SESN1: variants seen among roughly 807,000 people sequenced by gnomAD.
SESN1 encodes the protein sestrin 1.
Under a neutral mutation model 59.3 loss-of-function variants are expected in SESN1, and 30 were observed. The ratio of observed to expected loss-of-function variants is 0.51; its 90% CI spans 0.38 to 0.69. SESN1 has a LOEUF of 0.69. Ranked by LOEUF, SESN1 falls within the 30% of genes least tolerant of loss-of-function variation. The pLI, the probability that SESN1 is intolerant of heterozygous loss-of-function variation, is 0.00. For missense variants in SESN1, 566 were observed against 673.0 expected, an observed-to-expected ratio of 0.84 and a Z score of 1.76; for synonymous variants, 197 against 219.9, an observed-to-expected ratio of 0.90 and a Z score of 0.92.
intron 9 of SESN1, among the ~76,000 whole-genome samples, 176 bp from the exon 10 acceptor site, chr6:108,987,806 CTTT>C (rs3029194): frequency 8.1e-5 from 11 of 135,550 alleles, no homozygotes; most frequent in African/African-American, 8.5e-5. Flanking sequence ...CAGCAGCTAT[CTTT>C]TTTTTTTTTT....
At chr6:109,003,168 C>CT (rs1378132700) in intron 1 of SESN1, among the ~76,000 whole-genome samples, 1 of 151,716 alleles carries the variant, frequency 6.6e-6, no homozygotes, top group East Asian at 1.9e-4. Flanking sequence ...TATATTTCAA[C>CT]TTTTTGTTGT....
At chr6:109,092,657 C>T (rs983338061) in intron 1 of SESN1, among the ~76,000 whole-genome samples, 6 of 152,184 alleles carry the variant, frequency 3.9e-5, no homozygotes, top group Non-Finnish European at 7.3e-5. Context: ...ATAATGATGA[C>T]CCCATTATGG....
chr6:109,000,760 TAA>T (rs1562455952), intron 3 of SESN1, 87 bp from the exon 4 acceptor site: 2 of 1,092,536 alleles, frequency 1.8e-6, no homozygotes, highest in Non-Finnish European at 2.4e-6. Flanking sequence ...AAGAGCTAAT[TAA>T]GTTTATTAGT....
intron 1 of SESN1, among the ~76,000 whole-genome samples, chr6:109,039,710 G>A (rs892611405): frequency 1.3e-5 from 2 of 152,196 alleles, no homozygotes; most frequent in Non-Finnish European, 2.9e-5. Flanking sequence ...TACTAGAAAC[G>A]AGAACCAGTA....
At chr6:109,016,977 A>C (rs1779937036) in intron 1 of SESN1, among the ~76,000 whole-genome samples, 2 of 152,076 alleles carry the variant, frequency 1.3e-5, no homozygotes, top group African/African-American at 4.8e-5. Context: ...TTTTTAAAAT[A>C]TATGTTCGTA....
intron 1 of SESN1, among the ~76,000 whole-genome samples, chr6:109,008,136 C>A (rs1779772060): frequency 6.6e-6 from 1 of 152,162 alleles, no homozygotes. Context: ...AAATCTATTT[C>A]TTTATCTTTT....
At chr6:109,008,429 A>C (rs1381604129) in intron 1 of SESN1, among the ~76,000 whole-genome samples, 1 of 151,014 alleles carries the variant, frequency 6.6e-6, no homozygotes, top group African/African-American at 2.4e-5. Flanking sequence ...ATATGTCCAT[A>C]AATGTTAAAA....
intron 1 of SESN1, among the ~76,000 whole-genome samples, chr6:109,081,777 T>G (rs560978290): frequency 2.0e-5 from 3 of 152,298 alleles, no homozygotes; most frequent in African/African-American, 7.2e-5. Flanking sequence ...ACCAAGCAAA[T>G]TCAACCTTGC....
Position 109,001,407 on chromosome 6 carries a change from T to C in SESN1, c.427A>G (p.Ile143Val), listed in dbSNP as rs1779621244. ...GGGTGGAAAACCATCACTAACGTAA[T>C]GTTATCCAAACGGCCCAAAGCAGCA... is the stretch of plus-strand genomic sequence containing the variant. ...SFAALGRLDN[I>V]TLVMVFHPQY... Residue 143 changes from isoleucine (I) to valine (V), a missense_variant, in exon 3 of 10, where the codon ATT (isoleucine) becomes GTT (valine). Transcript: ENST00000436639. 6.2e-7 allele frequency: 1 copy of C among 1,613,858 alleles called. No individual in the cohort carries two copies. Among genetic ancestry groups the C allele is most frequent in the Non-Finnish European group, 8.5e-7 (1 of 1,179,820 alleles).
intron 1 of SESN1, among the ~76,000 whole-genome samples, chr6:109,027,696 G>GC (rs1780118331): frequency 6.6e-6 from 1 of 152,018 alleles, no homozygotes; most frequent in Admixed American, 6.5e-5. Context: ...GACCAGGGAG[G>GC]CTCCTAACTA....
At chr6:109,028,188 A>G (rs1780125121) in intron 1 of SESN1, among the ~76,000 whole-genome samples, 2 of 152,160 alleles carry the variant, frequency 1.3e-5, no homozygotes, top group African/African-American at 4.8e-5. Context: ...TTATAGCTTT[A>G]GGTTTTAATA....
Position 108,988,532 on chromosome 6 carries a change from T to C in SESN1, c.1569+11A>G, listed in dbSNP as rs1779264408. The C allele has an allele frequency of 8.8e-6, 14 of 1,594,924 alleles. No homozygotes were observed. The East Asian group carries it at 9.0e-5, about 10-fold the overall frequency. ...AAGTTACAAAGTAAATAAGCCACAA[T>C]AGGCACATACCTTCTCAGAGTGCTT... On this transcript the variant is annotated intron_variant, in intron 9 of 9. Transcript: ENST00000436639.
Position 108,984,838 on chromosome 6 carries a change from CAA to C in SESN1, c.*2704_*2705del, listed in dbSNP as rs1218386117. On this transcript the variant is annotated 3_prime_UTR_variant, in exon 10 of 10. Coordinates refer to ENST00000436639, the MANE Select transcript of SESN1 (RefSeq NM_014454.3). ...GAAGAGCTAGGGTGAGCAAAATCCACAAACTTTCCTAGCCTTTTGGTGCGGCC... is the reference window on the plus strand; with the variant it reads ...GAAGAGCTAGGGTGAGCAAAATCCACACTTTCCTAGCCTTTTGGTGCGGCC... Among the ~76,000 whole-genome samples the C allele has an allele frequency of 6.6e-6, 1 of 152,188 alleles. No homozygotes were observed. The highest frequency in any genetic ancestry group is 1.5e-5 in the Non-Finnish European group (1 of 68,032).
At chr6:109,004,957 G>C (rs1054561412) in intron 1 of SESN1, among the ~76,000 whole-genome samples, 1 of 152,112 alleles carries the variant, frequency 6.6e-6, no homozygotes, top group Non-Finnish European at 1.5e-5. Flanking sequence ...GTGTTTTGAA[G>C]TATGAGAAAA....
At chr6:109,036,310 T>C (rs1424445628) in intron 1 of SESN1, among the ~76,000 whole-genome samples, 3 of 152,230 alleles carry the variant, frequency 2.0e-5, no homozygotes, top group Admixed American at 2.0e-4. Flanking sequence ...GGCTTTACGA[T>C]TTGTCTGAGT....
intron 1 of SESN1, among the ~76,000 whole-genome samples, chr6:109,087,346 G>GAA (rs57422962): frequency 6.6e-6 from 1 of 150,814 alleles, no homozygotes; most frequent in Non-Finnish European, 1.5e-5. Context: ...AAACAATTTA[G>GAA]AAAAAAAAAG....
intron 1 of SESN1, chr6:109,009,468 C>G: frequency 7.8e-7 from 1 of 1,274,272 alleles, no homozygotes; most frequent in South Asian, 2.6e-5. Context: ...CATGTCGGCG[C>G]GGGGACGGCT....
chr6:109,013,879 A>G (rs1583272714), intron 1 of SESN1, among the ~76,000 whole-genome samples: 1 of 152,116 alleles, frequency 6.6e-6, no homozygotes, highest in Non-Finnish European at 1.5e-5. Context: ...CCTCCAGCTC[A>G]TATCTTCCTG....
rs75449300 is a variant in SESN1 at position 109,093,863 on chromosome 6, T to C, written c.211A>G (p.Met71Val). 8.7e-6 allele frequency: 14 copies of C among 1,614,214 alleles called. No homozygotes were observed. In the East Asian group the frequency reaches 2.2e-4, roughly 26 times the overall value. Residue 71 changes from methionine (M) to valine (V), a missense_variant, in exon 1 of 10, where the codon ATG (methionine) becomes GTG (valine). Physicochemically the swap from Met to Val is conservative, Grantham distance 21. Transcript: ENST00000436639. Reference sequence around the variant, plus strand: ...TTGAAGGGACACCTCTTAGAAAGCATAAGCAGATGAGCAAGTAGCTTATTC... The same window carrying C: ...TTGAAGGGACACCTCTTAGAAAGCACAAGCAGATGAGCAAGTAGCTTATTC... ...GLNKLLAHLL[M>V]LSKRCPFKDV... is the part of the protein sequence containing the mutation.
Sources: gnomAD v4.1 joint callset for allele counts (sites outside exome capture counted in the v4.1 genomes callset) on GRCh38, gnomAD v4.1.1 for gene constraint, MANE v1.5 for transcripts, NCBI Gene and HGNC (gene_info 2026-07-23, HGNC 2026-07-21) for gene names.